Variants in UBE2E2 observed in about 807,000 individuals in gnomAD.
UBE2E2 encodes ubiquitin-conjugating enzyme E2 E2.
Under a neutral mutation model 24.7 loss-of-function variants are expected in UBE2E2, and 6 were observed. That is an observed-to-expected ratio of 0.24 (90% confidence interval 0.13 to 0.48). The LOEUF is 0.48. UBE2E2 is among the 20% of genes least tolerant of loss of function. The pLI is 0.99. For missense variants in UBE2E2, 169 were observed against 245.0 expected (o/e 0.69, Z 2.07); for synonymous variants, 104 against 83.6 (o/e 1.24, Z -1.33).
At position 23,446,588 on chromosome 3, in the gene UBE2E2, C is replaced by T. The variant is rs116935143; in HGVS notation, c.228-53020C>T. On this transcript the variant is annotated intron_variant, in intron 3 of 5. Transcript: ENST00000396703. ...CTACTGATAGGGACTGAGAAGAAAG[C>T]ATTCACCATATCAGTAGCTGAGTAC... Among the ~76,000 whole-genome samples the T allele has an allele frequency of 3.0e-4, 46 of 152,044 alleles. No individual in the cohort carries two copies. The East Asian group carries it at 8.5e-3, about 28-fold the overall frequency.
chr3:23,289,171 C>T (rs1238553976), intron 3 of UBE2E2, among the ~76,000 whole-genome samples: 1 of 152,140 alleles, frequency 6.6e-6, no homozygotes, highest in East Asian at 1.9e-4. Context: ...CAGTGGGTAC[C>T]TGTGATTTGC....
rs1434884612 is a variant in UBE2E2, at chr3:23,333,186, A to G, written c.227+115874A>G. Among the ~76,000 whole-genome samples the G allele has an allele frequency of 2.0e-5, 3 of 152,226 alleles. No homozygotes were observed. In the East Asian group the frequency reaches 5.8e-4, roughly 29 times the overall value. On this transcript the variant is annotated intron_variant, in intron 3 of 5. Coordinates refer to ENST00000396703, the MANE Select transcript of UBE2E2 (RefSeq NM_152653.4). Reference sequence around the variant, plus strand: ...TTTTCAAACTGTGTTCCAGGGGATCATGGAGGCATGTCAAATGCAGAGAGT... The same window carrying G: ...TTTTCAAACTGTGTTCCAGGGGATCGTGGAGGCATGTCAAATGCAGAGAGT...
At chr3:23,384,743 A>G (rs1367995301) in intron 3 of UBE2E2, among the ~76,000 whole-genome samples, 4 of 151,368 alleles carry the variant, frequency 2.6e-5, no homozygotes, top group Admixed American at 2.6e-4. Context: ...GGGTTTCACC[A>G]TATTGGCCAG....
intron 3 of UBE2E2, among the ~76,000 whole-genome samples, chr3:23,406,186 T>G (rs1348058212): frequency 6.6e-6 from 1 of 152,204 alleles, no homozygotes; most frequent in Non-Finnish European, 1.5e-5. Flanking sequence ...GGCTCTCCAG[T>G]TTGTAAAGAT....
intron 1 of UBE2E2, among the ~76,000 whole-genome samples, chr3:23,204,514 A>AT (rs1696093002): frequency 6.6e-6 from 1 of 152,200 alleles, no homozygotes; most frequent in South Asian, 2.1e-4. Flanking sequence ...TGATTTCTTT[A>AT]AAAAGTATGT....
chr3:23,571,281 T>TC (rs1491531590), intron 5 of UBE2E2, among the ~76,000 whole-genome samples: 3 of 50,930 alleles, frequency 5.9e-5, no homozygotes, highest in African/African-American at 2.3e-4. Flanking sequence ...TGCTCCTTTC[T>TC]TTTTTTTTTT....
intron 3 of UBE2E2, among the ~76,000 whole-genome samples, chr3:23,493,594 G>T (rs1699543645): frequency 6.6e-6 from 1 of 152,070 alleles, no homozygotes; most frequent in Non-Finnish European, 1.5e-5. Context: ...TCAGAATGTT[G>T]CAAGTGGGAA....
At chr3:23,443,809 T>G (rs187811124) in intron 3 of UBE2E2, among the ~76,000 whole-genome samples, 24 of 152,324 alleles carry the variant, frequency 1.6e-4, no homozygotes, top group Non-Finnish European at 1.0e-4. Flanking sequence ...CTCTACATTA[T>G]ACGTAGCTTC....
chr3:23,519,640 C>CACA lies in UBE2E2; in HGVS notation c.361-12912_361-12910dup, dbSNP rs528259280. On this transcript the variant is annotated intron_variant, in intron 4 of 5. Coordinates refer to ENST00000396703, the MANE Select transcript of UBE2E2 (RefSeq NM_152653.4). ...TGGGTTTTTTTGCCTTTAGTAATCT[C>CACA]ACAATAGTAATAGTGAATATATATA... 4.2e-3 allele frequency among the ~76,000 whole-genome samples: 645 copies of CACA among 152,148 alleles called. 2 individuals carry two copies. Among genetic ancestry groups the CACA allele is most frequent in the South Asian group, 0.011 (55 of 4,820 alleles).
intron 3 of UBE2E2, among the ~76,000 whole-genome samples, chr3:23,303,624 A>G (rs80326329): frequency 0.012 from 1,875 of 152,340 alleles, 18 homozygotes; most frequent in Middle Eastern, 0.027. Context: ...AATATATCCT[A>G]TAAAATAGAC....
rs1694809346 is a variant in UBE2E2 at position 23,323,726 on chromosome 3, T to C, written c.227+106414T>C. On this transcript the variant is annotated intron_variant, in intron 3 of 5. Transcript: ENST00000396703. ...TGCCAGGATTCCTTTTTTTCCCTTT[T>C]AGCAAACTCCTGTCCTTATTTTAGT... 4 of 247,748 alleles carry C rather than the reference T, an allele frequency of 1.6e-5. No individual in the cohort carries two copies. The Admixed American group carries it at 2.3e-4, about 14-fold the overall frequency. The allele number at this position is 247,748 out of a possible 1,614,324, so 15.3% of individuals were successfully genotyped here.
chr3:23,251,994 C>G, intron 3 of UBE2E2, among the ~76,000 whole-genome samples: 1 of 152,194 alleles, frequency 6.6e-6, no homozygotes, highest in East Asian at 1.9e-4. Flanking sequence ...TTAACAGGTA[C>G]TCCACATAAA....
intron 4 of UBE2E2, among the ~76,000 whole-genome samples, chr3:23,516,895 T>C (rs71322195): frequency 6.6e-6 from 1 of 152,078 alleles, no homozygotes; most frequent in Non-Finnish European, 1.5e-5. Flanking sequence ...TTAGAACATA[T>C]CAGTTTCATG....
chr3:23,419,211 A>T (rs1233362822), intron 3 of UBE2E2, among the ~76,000 whole-genome samples: 1 of 152,112 alleles, frequency 6.6e-6, no homozygotes, highest in Non-Finnish European at 1.5e-5. Flanking sequence ...TCAAGCAGTT[A>T]TCCTGCCTTG....
At chr3:23,432,850 CTA>C (rs1163078161) in intron 3 of UBE2E2, among the ~76,000 whole-genome samples, 2 of 151,602 alleles carry the variant, frequency 1.3e-5, no homozygotes, top group Non-Finnish European at 2.9e-5. Context: ...TAATAATAAA[CTA>C]TTAACATATT....
intron 3 of UBE2E2, among the ~76,000 whole-genome samples, chr3:23,422,530 A>G (rs956307548): frequency 6.7e-6 from 1 of 149,816 alleles, no homozygotes; most frequent in Non-Finnish European, 1.5e-5. Flanking sequence ...AGAATAGATT[A>G]TCTTTTCTGT....
intron 3 of UBE2E2, among the ~76,000 whole-genome samples, chr3:23,441,310 G>A (rs944658154): frequency 2.0e-5 from 3 of 147,856 alleles, no homozygotes; most frequent in Non-Finnish European, 4.4e-5. Context: ...AGATCACGAC[G>A]TCATGAGATC....
intron 3 of UBE2E2, among the ~76,000 whole-genome samples, chr3:23,309,704 T>C (rs943282479): frequency 2.0e-5 from 3 of 152,296 alleles, no homozygotes; most frequent in African/African-American, 7.2e-5. Flanking sequence ...GGAAAAAAGA[T>C]GTCTGCTGAA....
At chr3:23,344,264 C>G (rs1477684904) in intron 3 of UBE2E2, among the ~76,000 whole-genome samples, 1 of 152,124 alleles carries the variant, frequency 6.6e-6, no homozygotes, top group Non-Finnish European at 1.5e-5. Context: ...TCTCAGTCAT[C>G]TTACAATAGA....
Sources: allele counts gnomAD v4.1 joint callset (sites outside exome capture counted in the v4.1 genomes callset), GRCh38; gene constraint gnomAD v4.1.1; transcripts MANE v1.5; gene names NCBI Gene and HGNC (gene_info 2026-07-23, HGNC 2026-07-21).